The following SHH variants were observed in gnomAD, a reference collection of about 807,000 sequenced individuals.
The protein encoded by SHH is sonic hedgehog protein.
In SHH, 3 loss-of-function variants were observed where a neutral mutation model predicts 16.6. The ratio of observed to expected loss-of-function variants is 0.18; its 90% CI spans 0.08 to 0.47. The LOEUF is 0.47. Among genes scored for constraint, SHH ranks in the 20% least tolerant of loss-of-function variants. The pLI, the probability that SHH is intolerant of heterozygous loss-of-function variation, is 0.98. For missense variants in SHH, 499 were observed against 665.0 expected (o/e 0.75, Z 2.75); for synonymous variants, 351 against 316.2 (o/e 1.11, Z -1.17).
In SHH at chr7:155,803,197, G is replaced by A. The variant is rs777880826; in HGVS notation, c.1092C>T (p.Tyr364=). 2 of 1,493,248 alleles carry A rather than the reference G, an allele frequency of 1.3e-6. No homozygotes were observed. The highest frequency in any genetic ancestry group is 8.9e-7 in the Non-Finnish European group (1 of 1,125,364). 92.5% of individuals were successfully genotyped at this position (1,493,248 alleles called of 1,614,324 possible). Reference sequence around the variant, plus strand: ...CCCAGCTGTGCTCCTCGATGACCGCGTAGCACGAGGCCAGCACCCGGTTGA... The same window carrying A: ...CCCAGCTGTGCTCCTCGATGACCGCATAGCACGAGGCCAGCACCCGGTTGA... The part of the protein sequence containing the change: ...ILINRVLASC[Y]AVIEEHSWAH... The change falls in exon 3 of 3, where the codon TAC becomes TAT. Residue 364 remains tyrosine (Y), a synonymous_variant. Transcript: ENST00000297261.
rs1803202660 is a variant in SHH at position 155,802,311 on chromosome 7, T to C, written c.*589A>G. 1 of 152,206 alleles carries C rather than the reference T, an allele frequency of 6.6e-6. No individual in the cohort carries two copies. Among genetic ancestry groups the C allele is most frequent in the South Asian group, 2.1e-4 (1 of 4,830 alleles). 9.4% of individuals were successfully genotyped at this position (152,206 alleles called of 1,614,324 possible). On this transcript the variant is annotated 3_prime_UTR_variant, in exon 3 of 3. Transcript: ENST00000297261. ...AAATGAAATGTAATTCAGTTAAGTA[T>C]TGATCTCTCAAAAAATCTAATTTAC...
rs970597183 is a variant in SHH, at chr7:155,812,168, C to G, written c.-46G>C. On this transcript the variant is annotated 5_prime_UTR_variant, in exon 1 of 3. Coordinates refer to ENST00000297261, the MANE Select transcript of SHH (RefSeq NM_000193.4). ...CTTCCGAGCTGTCCCCGTGCGGGTC[C>G]GTGCGCGAGTGCGCGCGGCGGGTGT... The G allele has an allele frequency of 2.5e-6, 4 of 1,599,044 alleles. No homozygotes were observed. In the East Asian group the frequency reaches 8.9e-5, roughly 36 times the overall value.
rs1803185307 is a variant in SHH, at chr7:155,801,765, C to G, written c.*1135G>C. 1 of 152,154 alleles carries G rather than the reference C, an allele frequency of 6.6e-6. No homozygotes were observed. The highest frequency in any genetic ancestry group is 1.5e-5 in the Non-Finnish European group (1 of 68,040). 9.4% of individuals were successfully genotyped at this position (152,154 alleles called of 1,614,324 possible). ...AGAATATTGGGAGCTCCTGTCAGCGCTAGGTTTCCCAAACAAAGAAGCCAA... is the reference window on the plus strand; with the variant it reads ...AGAATATTGGGAGCTCCTGTCAGCGGTAGGTTTCCCAAACAAAGAAGCCAA... On this transcript the variant is annotated 3_prime_UTR_variant, in exon 3 of 3. Coordinates refer to ENST00000297261, the MANE Select transcript of SHH (RefSeq NM_000193.4).
Position 155,810,674 on chromosome 7 carries a change from C to T in SHH, c.300+1149G>A, listed in dbSNP as rs571589849. 4.1e-4 allele frequency among the ~76,000 whole-genome samples: 62 copies of T among 152,340 alleles called. 1 individual carries two copies. In the South Asian group the frequency reaches 0.013, roughly 31 times the overall value. On this transcript the variant is annotated intron_variant, in intron 1 of 2. Coordinates refer to ENST00000297261, the MANE Select transcript of SHH (RefSeq NM_000193.4). The stretch of plus-strand genomic sequence containing the variant: ...TCGCCTTTCTCGGCCTCAAGCAAGC[C>T]TGGGAATCGGGTCGGGAAGCAGGGC...
chr7:155,803,064 C>A lies in SHH; in HGVS notation c.1225G>T (p.Gly409Cys). The A allele has an allele frequency of 7.1e-7, 1 of 1,400,078 alleles. No individual in the cohort carries two copies. Among genetic ancestry groups the A allele is most frequent in the Non-Finnish European group, 9.3e-7 (1 of 1,074,372 alleles). 86.7% of individuals were successfully genotyped at this position (1,400,078 alleles called of 1,614,324 possible). ...GDSGGGDRGG[G>C]GGRVALTAPG... is the part of the protein sequence containing the mutation. ...GCGGTTAGGGCTACTCTGCCGCCGC[C>A]GCCCCCGCGGTCCCCGCCGCCGCTG... Residue 409 changes from glycine (G) to cysteine (C), a missense_variant, in exon 3 of 3, where the codon GGC becomes TGC. Around this residue, in one of 4 missense-constraint regions of SHH, gnomAD observed 299 missense variants for 301.1 expected, o/e 0.99. Coordinates refer to ENST00000297261, the MANE Select transcript of SHH (RefSeq NM_000193.4).
intron 1 of SHH, among the ~76,000 whole-genome samples, chr7:155,811,397 C>T (rs1209538976): frequency 1.3e-5 from 2 of 152,192 alleles, no homozygotes; most frequent in Non-Finnish European, 1.5e-5. Flanking sequence ...TTCGTTCGTT[C>T]GTACAGTACC....
chr7:155,800,440 C>T lies in SHH; in HGVS notation c.*2460G>A, dbSNP rs561604085. The T allele has an allele frequency of 7.2e-6, 3 of 415,760 alleles. No individual in the cohort carries two copies. In the East Asian group the frequency reaches 2.1e-4, roughly 30 times the overall value. 25.8% of individuals were successfully genotyped at this position (415,760 alleles called of 1,614,324 possible). On this transcript the variant is annotated 3_prime_UTR_variant, in exon 3 of 3. Transcript: ENST00000297261. ...GGTGCCCCAGTCACCAGCAGAGTTGCACCATGGCCTCAGGCACCTTGGGGC... is the reference window on the plus strand; with the variant it reads ...GGTGCCCCAGTCACCAGCAGAGTTGTACCATGGCCTCAGGCACCTTGGGGC...
chr7:155,806,152 G>T, intron 2 of SHH, 144 bp downstream of exon 2: 1 of 1,012,710 alleles, frequency 9.9e-7, no homozygotes, highest in Admixed American at 1.9e-5. Flanking sequence ...CACAGGGCAG[G>T]TTCCACCGCG....
At position 155,802,892 on chromosome 7, in the gene SHH, C is replaced by CCCCCCCCCCCCCCA; in HGVS notation, c.*7_*8insTGGGGGGGGGGGGG. On this transcript the variant is annotated 3_prime_UTR_variant, in exon 3 of 3. Transcript: ENST00000297261. ...CCCCTCCCGCGCCCCTCCCCCGGCC[C>CCCCCCCCCCCCCCA]CCCGGCTTCAGCTGGACTTGACCGC... 1 of 1,368,070 alleles carries CCCCCCCCCCCCCCA rather than the reference C, an allele frequency of 7.3e-7. No individual in the cohort carries two copies. Among genetic ancestry groups the CCCCCCCCCCCCCCA allele is most frequent in the Non-Finnish European group, 9.5e-7 (1 of 1,051,458 alleles). The allele number at this position is 1,368,070 out of a possible 1,614,324, so 84.7% of individuals were successfully genotyped here. A position where few individuals can be genotyped will look rare whatever the true frequency, so the allele number is the denominator to read the frequency against.
rs955305451 is a variant in SHH, at chr7:155,800,112, T to C, written c.*2788A>G. ...TGAGGGAGGCTGGCAGCAACCACCA[T>C]GCATACATTTTGCACAAACTCTTGG... On this transcript the variant is annotated 3_prime_UTR_variant, in exon 3 of 3. Transcript: ENST00000297261. The C allele has an allele frequency of 1.1e-5, 5 of 471,558 alleles. No individual in the cohort carries two copies. The highest frequency in any genetic ancestry group is 1.8e-5 in the Non-Finnish European group (4 of 227,180). 29.2% of individuals were successfully genotyped at this position (471,558 alleles called of 1,614,324 possible). A position where few individuals can be genotyped will look rare whatever the true frequency, so the allele number is the denominator to read the frequency against.
At chr7:155,811,700 A>G in intron 1 of SHH, 123 bp downstream of exon 1, 2 of 953,290 alleles carry the variant, frequency 2.1e-6, no homozygotes, top group Non-Finnish European at 1.7e-6. Context: ...TGGGTGGGGA[A>G]GGAGCGGGTG....
In SHH at chr7:155,802,871, TCCCGCGCCCCTCCCCCG is replaced by T; in HGVS notation, c.*12_*28del. ...GCTGTTGCTGCCCCGCCCCGCCCCC[TCCCGCGCCCCTCCCCCG>T]GCCCCCCGGCTTCAGCTGGACTTGA... On this transcript the variant is annotated 3_prime_UTR_variant, in exon 3 of 3. Coordinates refer to ENST00000297261, the MANE Select transcript of SHH (RefSeq NM_000193.4). 3.9e-6 allele frequency: 1 copy of T among 257,230 alleles called. No homozygotes were observed. Among genetic ancestry groups the T allele is most frequent in the Non-Finnish European group, 5.4e-6 (1 of 183,644 alleles). 15.9% of individuals were successfully genotyped at this position (257,230 alleles called of 1,614,324 possible).
Position 155,807,692 on chromosome 7 carries a change from G to A in SHH, c.301-1135C>T, listed in dbSNP as rs574795314. 6.6e-6 allele frequency among the ~76,000 whole-genome samples: 1 copy of A among 152,328 alleles called. No individual in the cohort carries two copies. The highest frequency in any genetic ancestry group is 1.5e-5 in the Non-Finnish European group (1 of 68,036). ...TTGTGGGGGCACTGACTTGCTTCCT[G>A]GATGTTTACCCTGCTGCTGCTGGTG... On this transcript the variant is annotated intron_variant, in intron 1 of 2. Coordinates refer to ENST00000297261, the MANE Select transcript of SHH (RefSeq NM_000193.4). The surrounding 1 kb of genome is among the most constrained non-coding windows in gnomAD (Gnocchi z 7.1).
At position 155,807,061 on chromosome 7, in the gene SHH, C is replaced by A; in HGVS notation, c.301-504G>T. On this transcript the variant is annotated intron_variant, in intron 1 of 2. Coordinates refer to ENST00000297261, the MANE Select transcript of SHH (RefSeq NM_000193.4). The surrounding 1 kb of genome is among the most constrained non-coding windows in gnomAD (Gnocchi z 7.1). ...CCTGACAGAGACCTGGGCGCAAGTT[C>A]CCAGAAATAAAGAAAAATGCACTGC... The A allele has an allele frequency of 4.6e-6, 1 of 218,614 alleles. No homozygotes were observed. The highest frequency in any genetic ancestry group is 1.1e-4 in the East Asian group (1 of 9,174). 13.5% of individuals were successfully genotyped at this position (218,614 alleles called of 1,614,324 possible). A position where few individuals can be genotyped will look rare whatever the true frequency, so the allele number is the denominator to read the frequency against.
intron 2 of SHH, 144 bp downstream of exon 2, chr7:155,806,152 G>A: frequency 9.9e-7 from 1 of 1,012,712 alleles, no homozygotes; most frequent in East Asian, 2.5e-5. Context: ...CACAGGGCAG[G>A]TTCCACCGCG....
At position 155,803,067 on chromosome 7, in the gene SHH, C is replaced by T; in HGVS notation, c.1222G>A (p.Gly408Ser). 1.4e-6 allele frequency: 2 copies of T among 1,380,450 alleles called. No individual in the cohort carries two copies. The highest frequency in any genetic ancestry group is 1.9e-6 in the Non-Finnish European group (2 of 1,064,796). 85.5% of individuals were successfully genotyped at this position (1,380,450 alleles called of 1,614,324 possible). ...GTTAGGGCTACTCTGCCGCCGCCGC[C>T]CCCGCGGTCCCCGCCGCCGCTGTCC... is the stretch of plus-strand genomic sequence containing the variant. ...GGDSGGGDRG[G>S]GGGRVALTAP... The change falls in exon 3 of 3, where the codon GGC becomes AGC. Residue 408 changes from glycine (G) to serine (S), a missense_variant. Transcript: ENST00000297261.
chr7:155,806,279 G>T lies in SHH; in HGVS notation c.562+17C>A, dbSNP rs1344635838. On this transcript the variant is annotated intron_variant, in intron 2 of 2. Coordinates refer to ENST00000297261, the MANE Select transcript of SHH (RefSeq NM_000193.4). Reference sequence around the variant, plus strand: ...GGCCTTCCTTGGGTCGGATCCGGGGGGCCAGGGCCAGCTTACCTGCTTTCA... The same window carrying T: ...GGCCTTCCTTGGGTCGGATCCGGGGTGCCAGGGCCAGCTTACCTGCTTTCA... The T allele has an allele frequency of 1.9e-6, 3 of 1,612,894 alleles. No homozygotes were observed. The highest frequency in any genetic ancestry group is 1.1e-5 in the South Asian group (1 of 91,090).
chr7:155,803,444 G>T lies in SHH; in HGVS notation c.845C>A (p.Thr282Asn). ...GCCCGAGGACGCCTCGGGCTCCCCGGTGGCCGAGTCGTTGTGCGGCGCCAC... is the reference window on the plus strand; with the variant it reads ...GCCCGAGGACGCCTCGGGCTCCCCGTTGGCCGAGTCGTTGTGCGGCGCCAC... Reference protein sequence around the residue: ...LFVAPHNDSATGEPEASSGSG... With the variant: ...LFVAPHNDSANGEPEASSGSG... The change falls in exon 3 of 3, where the codon ACC becomes AAC. Residue 282 changes from threonine (T) to asparagine (N), a missense_variant. Coordinates refer to ENST00000297261, the MANE Select transcript of SHH (RefSeq NM_000193.4). 2 of 1,541,146 alleles carry T rather than the reference G, an allele frequency of 1.3e-6. No individual in the cohort carries two copies. The highest frequency in any genetic ancestry group is 1.7e-6 in the Non-Finnish European group (2 of 1,148,390).
Position 155,806,321 on chromosome 7 carries a change from T to C in SHH, c.537A>G (p.Ala179=). ...GFDWVYYESK[A]HIHCSVKAEN... ...CTGCTTTCACCGAGCAGTGGATATG[T>C]GCCTTGGACTCGTAGTACACCCAGT... Residue 179 remains alanine (A), a synonymous_variant, in exon 2 of 3, where the codon GCA becomes GCG. Transcript: ENST00000297261. 6.2e-7 allele frequency: 1 copy of C among 1,613,336 alleles called. No homozygotes were observed. The highest frequency in any genetic ancestry group is 1.3e-5 in the African/African-American group (1 of 75,070).
Sources: gnomAD v4.1 joint callset for allele counts (sites outside exome capture counted in the v4.1 genomes callset) on GRCh38, gnomAD v4.1.1 for gene constraint, gnomAD v4.1.1 regional missense constraint, Gnocchi (gnomAD v3.1) non-coding constraint, MANE v1.5 for transcripts, NCBI Gene and HGNC (gene_info 2026-07-23, HGNC 2026-07-21) for gene names.